Variants in SOX5 observed in about 807,000 individuals in gnomAD.
SOX5 encodes the protein transcription factor SOX-5.
A neutral mutation model predicts 92.0 loss-of-function variants in SOX5; 9 were observed. The observed-to-expected ratio is 0.10, with a 90% CI of 0.06 to 0.17. SOX5 has a LOEUF of 0.17. Ranked by LOEUF, SOX5 falls within the 10% of genes least tolerant of loss-of-function variation. The probability of loss-of-function intolerance (pLI) is 1.00; values close to 1 mark genes in which losing one functional copy is unlikely to be tolerated. For missense variants in SOX5, 642 were observed against 944.5 expected, an observed-to-expected ratio of 0.68 and a Z score of 4.20; for synonymous variants, 344 against 336.3, an observed-to-expected ratio of 1.02 and a Z score of -0.25.
intron 4 of SOX5, among the ~76,000 whole-genome samples, chr12:24,037,852 A>G (rs1308790166): frequency 6.6e-6 from 1 of 152,156 alleles, no homozygotes; most frequent in African/African-American, 2.4e-5. Flanking sequence ...AACTTGCACT[A>G]CATGCTGGAG....
At chr12:24,353,645 C>T in intron 2 of SOX5, among the ~76,000 whole-genome samples, 1 of 147,494 alleles carries the variant, frequency 6.8e-6, no homozygotes, top group African/African-American at 2.5e-5. Flanking sequence ...CATTATTATT[C>T]TTTTTTTTTT....
At chr12:23,934,996 C>G (rs1280607696) in intron 1 of SOX5, among the ~76,000 whole-genome samples, 3 of 151,314 alleles carry the variant, frequency 2.0e-5, no homozygotes, top group African/African-American at 7.2e-5. Flanking sequence ...GAAAAAGTAA[C>G]AGAAGCCTTG....
chr12:24,100,496 A>T (rs1945954599), intron 4 of SOX5, among the ~76,000 whole-genome samples: 1 of 151,978 alleles, frequency 6.6e-6, no homozygotes, highest in Non-Finnish European at 1.5e-5. Flanking sequence ...TTTCTTTCTC[A>T]GTCTTGTTCC....
At chr12:24,117,492 C>A (rs1280817063) in intron 4 of SOX5, among the ~76,000 whole-genome samples, 2 of 152,094 alleles carry the variant, frequency 1.3e-5, no homozygotes, top group African/African-American at 2.4e-5. Context: ...ATTGAAATCA[C>A]TATGTCAAAG....
intron 1 of SOX5, among the ~76,000 whole-genome samples, chr12:24,490,483 C>G (rs954629399): frequency 6.6e-6 from 1 of 151,952 alleles, no homozygotes; most frequent in Non-Finnish European, 1.5e-5. Context: ...TAAAGATGAC[C>G]GTTAGTACCA....
intron 4 of SOX5, among the ~76,000 whole-genome samples, chr12:24,118,823 C>T (rs1345406678): frequency 6.6e-6 from 1 of 152,068 alleles, no homozygotes; most frequent in Admixed American, 6.5e-5. Context: ...AGACATTTGG[C>T]AGATAATATG....
At chr12:24,200,958 C>T (rs994429236) in intron 4 of SOX5, among the ~76,000 whole-genome samples, 4 of 152,144 alleles carry the variant, frequency 2.6e-5, no homozygotes, top group Admixed American at 6.6e-5. Flanking sequence ...TTGGATCTGA[C>T]GTCCTCCACT....
intron 1 of SOX5, among the ~76,000 whole-genome samples, chr12:24,453,017 C>A (rs1942535748): frequency 6.6e-6 from 1 of 152,056 alleles, no homozygotes; most frequent in Admixed American, 6.6e-5. Context: ...ATCTATTTTC[C>A]TTTGCATTTA....
chr12:23,677,741 T>C (rs969179176), intron 6 of SOX5, among the ~76,000 whole-genome samples: 2 of 152,226 alleles, frequency 1.3e-5, no homozygotes, highest in Non-Finnish European at 2.9e-5. Context: ...TAGCAGGTGC[T>C]AGATTGGTGT....
chr12:24,352,783 G>T (rs552209721), intron 2 of SOX5, among the ~76,000 whole-genome samples: 2 of 152,112 alleles, frequency 1.3e-5, no homozygotes, highest in East Asian at 1.9e-4. Flanking sequence ...CCTCTCTGTG[G>T]CCAGTCCTTC....
chr12:23,903,037 A>T (rs1442300523), intron 1 of SOX5, among the ~76,000 whole-genome samples: 1 of 152,164 alleles, frequency 6.6e-6, no homozygotes, highest in Non-Finnish European at 1.5e-5. Flanking sequence ...TAGAGTTCTG[A>T]TGGAAACAGG....
intron 6 of SOX5, among the ~76,000 whole-genome samples, chr12:23,730,864 A>G (rs931778961): frequency 7.9e-5 from 12 of 152,188 alleles, no homozygotes; most frequent in African/African-American, 2.7e-4. Context: ...ATGATTAATT[A>G]TACGTGTCCA....
chr12:24,386,300 G>T (rs754285446), intron 1 of SOX5, among the ~76,000 whole-genome samples: 5 of 152,000 alleles, frequency 3.3e-5, no homozygotes, highest in Non-Finnish European at 7.4e-5. Context: ...TTATCATCAC[G>T]TCATCACTAT....
At chr12:23,920,302 C>A (rs1937783454) in intron 1 of SOX5, 1 of 152,088 alleles carries the variant, frequency 6.6e-6, no homozygotes, top group African/African-American at 2.4e-5. Context: ...TTTTCTAATT[C>A]TAAGATATTG....
chr12:24,504,374 T>TA (rs1001102285), intron 1 of SOX5, among the ~76,000 whole-genome samples: 42 of 152,136 alleles, frequency 2.8e-4, no homozygotes, highest in African/African-American at 9.7e-4. Context: ...TGTGGGCTTT[T>TA]AAAAAAATTA....
chr12:23,840,937 A>T (rs951480857), intron 3 of SOX5, among the ~76,000 whole-genome samples: 1 of 152,138 alleles, frequency 6.6e-6, no homozygotes, highest in African/African-American at 2.4e-5. Context: ...TTATGTGATG[A>T]TTGCTTACAG....
At chr12:24,181,508 T>A (rs566653751) in intron 4 of SOX5, among the ~76,000 whole-genome samples, 4 of 152,310 alleles carry the variant, frequency 2.6e-5, no homozygotes, top group African/African-American at 9.6e-5. Context: ...AATGTATCTA[T>A]CTCCACTTAC....
At chr12:24,402,187 T>C (rs1359144904) in intron 1 of SOX5, among the ~76,000 whole-genome samples, 1 of 152,346 alleles carries the variant, frequency 6.6e-6, no homozygotes, top group African/African-American at 2.4e-5. Flanking sequence ...AAAATCCATT[T>C]CTACATTAAC....
At chr12:23,543,693 G>C (rs865973376) in intron 12 of SOX5, among the ~76,000 whole-genome samples, 5 of 152,196 alleles carry the variant, frequency 3.3e-5, no homozygotes, top group African/African-American at 1.2e-4. Flanking sequence ...AATTCGGAAA[G>C]AGGATAGTCA....
Sources: allele counts gnomAD v4.1 joint callset (sites outside exome capture counted in the v4.1 genomes callset), GRCh38; gene constraint gnomAD v4.1.1; transcripts MANE v1.5; gene names NCBI Gene and HGNC (gene_info 2026-07-23, HGNC 2026-07-21).